Variants in RNF216 observed in about 807,000 individuals in gnomAD.
RNF216 encodes E3 ubiquitin-protein ligase RNF216.
Under a neutral mutation model 110.8 loss-of-function variants are expected in RNF216, and 72 were observed. That is an observed-to-expected ratio of 0.65 (90% confidence interval 0.54 to 0.79). The LOEUF (loss-of-function observed/expected upper bound fraction) is 0.79, where lower values mean the gene tolerates loss of function less well. Among genes scored for constraint, RNF216 ranks in the 30% least tolerant of loss-of-function variants. The probability of loss-of-function intolerance (pLI) is 0.00; values close to 1 mark genes in which losing one functional copy is unlikely to be tolerated. For missense variants in RNF216, 1,342 were observed against 1,141.2 expected (o/e 1.18, Z -2.54); for synonymous variants, 495 against 407.5 (o/e 1.21, Z -2.59).
chr7:5,649,107 C>T (rs758023783), intron 14 of RNF216, among the ~76,000 whole-genome samples: 43 of 152,248 alleles, frequency 2.8e-4, no homozygotes, highest in Middle Eastern at 3.4e-3. Context: ...GCCGGGCGGG[C>T]GCGGTGGCTC....
At chr7:5,755,178 A>T (rs1795560130) in intron 2 of RNF216, among the ~76,000 whole-genome samples, 1 of 145,656 alleles carries the variant, frequency 6.9e-6, no homozygotes, top group African/African-American at 2.5e-5. Context: ...GAAAGAGAGG[A>T]AAGGAAGAAG....
At chr7:5,759,938 G>C (rs1433119390) in intron 2 of RNF216, among the ~76,000 whole-genome samples, 1 of 151,912 alleles carries the variant, frequency 6.6e-6, no homozygotes, top group African/African-American at 2.4e-5. Context: ...GCCTGGGGGA[G>C]TCATTTTTGT....
chr7:5,633,167 C>T (rs1190480311), intron 15 of RNF216, among the ~76,000 whole-genome samples: 14 of 151,810 alleles, frequency 9.2e-5, no homozygotes, highest in East Asian at 4.0e-4. Context: ...TTAGTAGAGA[C>T]GGGGTTTCAC....
chr7:5,716,796 C>G, intron 9 of RNF216, 30 bp from the exon 10 acceptor site: 2 of 1,580,336 alleles, frequency 1.3e-6, no homozygotes, highest in Non-Finnish European at 1.7e-6. Context: ...CACATTCAGA[C>G]ACAAATTTAG....
chr7:5,761,152 A>G lies in RNF216; in HGVS notation c.-69-14T>C, dbSNP rs1418316914. On this transcript the variant is annotated splice_polypyrimidine_tract_variant and intron_variant, in intron 1 of 16. Coordinates refer to ENST00000389902, the MANE Select transcript of RNF216 (RefSeq NM_207111.4). ...GTTTCAAAAGAACTGAAAAGGAAGC[A>G]AAGAGTAACAGTAAGAATGAGGGAG... The G allele has an allele frequency of 3.9e-6, 3 of 762,348 alleles. No homozygotes were observed. The highest frequency in any genetic ancestry group is 6.5e-6 in the Non-Finnish European group (3 of 462,800). The allele number at this position is 762,348 out of a possible 1,614,324, so 47.2% of individuals were successfully genotyped here.
At chr7:5,753,074 C>A in intron 2 of RNF216, 95 bp from the exon 3 acceptor site, 1 of 1,280,588 alleles carries the variant, frequency 7.8e-7, no homozygotes, top group Non-Finnish European at 1.1e-6. Context: ...CTAAAGCCAA[C>A]TTCATGGCTA....
chr7:5,659,287 T>C (rs1488306822), intron 13 of RNF216, among the ~76,000 whole-genome samples: 1 of 152,208 alleles, frequency 6.6e-6, no homozygotes, highest in Non-Finnish European at 1.5e-5. Context: ...TCTATCTTCA[T>C]GACATTTACG....
intron 1 of RNF216, among the ~76,000 whole-genome samples, chr7:5,762,132 AAC>A (rs1195904905): frequency 1.3e-5 from 2 of 152,244 alleles, no homozygotes; most frequent in Non-Finnish European, 2.9e-5. Flanking sequence ...CATATGATAC[AAC>A]ACAGTTAAAT....
In RNF216 at chr7:5,622,926, G is replaced by A. The variant is rs200742026; in HGVS notation, c.2706C>T (p.Pro902=). The A allele has an allele frequency of 6.2e-7, 1 of 1,613,620 alleles. No individual in the cohort carries two copies. Among genetic ancestry groups the A allele is most frequent in the East Asian group, 2.2e-5 (1 of 44,872 alleles). The change falls in exon 17 of 17, where the codon CCC becomes CCT. Residue 902 remains proline, a synonymous_variant. Transcript: ENST00000389902. ...PNVRVNYDFG[P]IHMPLEHNLP... The stretch of plus-strand genomic sequence containing the variant: ...GGTTGTGCTCCAGGGGCATGTGGAT[G>A]GGACCGAAGTCATAGTTGACCCGCA...
At chr7:5,645,974 TG>T (rs1219739073) in intron 14 of RNF216, among the ~76,000 whole-genome samples, 1 of 152,238 alleles carries the variant, frequency 6.6e-6, no homozygotes, top group Non-Finnish European at 1.5e-5. Flanking sequence ...TGGTTTCACC[TG>T]GCTTTCTGAG....
At chr7:5,672,850 G>T (rs1168151306) in intron 13 of RNF216, among the ~76,000 whole-genome samples, 1 of 152,044 alleles carries the variant, frequency 6.6e-6, no homozygotes, top group African/African-American at 2.4e-5. Context: ...TAGGACACAG[G>T]GACACAGGCA....
At chr7:5,766,730 G>A (rs1246027369) in intron 1 of RNF216, among the ~76,000 whole-genome samples, 2 of 152,178 alleles carry the variant, frequency 1.3e-5, no homozygotes, top group African/African-American at 4.8e-5. Flanking sequence ...TAATACAGGT[G>A]GAATTACAGA....
chr7:5,734,107 C>A, intron 5 of RNF216, among the ~76,000 whole-genome samples: 1 of 152,052 alleles, frequency 6.6e-6, no homozygotes, highest in East Asian at 1.9e-4. Flanking sequence ...ACAAACATAG[C>A]CAATAGGAAG....
At chr7:5,742,553 T>C (rs1421830142) in intron 3 of RNF216, among the ~76,000 whole-genome samples, 1 of 147,374 alleles carries the variant, frequency 6.8e-6, no homozygotes, top group African/African-American at 2.5e-5. Flanking sequence ...TTAAATTAGA[T>C]AATACCAAGC....
chr7:5,764,573 G>A (rs146256702), intron 1 of RNF216, among the ~76,000 whole-genome samples: 6,019 of 152,048 alleles, frequency 0.04, 177 homozygotes, highest in South Asian at 0.065. Context: ...GCTTGAACCC[G>A]GGAGGCGGAG....
intron 13 of RNF216, 81 bp from the exon 14 acceptor site, chr7:5,652,591 A>G (rs1441373197): frequency 1.1e-5 from 10 of 894,898 alleles, no homozygotes; most frequent in Non-Finnish European, 1.7e-5. Flanking sequence ...AGGGATATGA[A>G]ATGAGCTTTA....
chr7:5,647,087 G>T (rs895480498), intron 14 of RNF216, among the ~76,000 whole-genome samples: 27 of 152,108 alleles, frequency 1.8e-4, no homozygotes, highest in Non-Finnish European at 1.3e-4. Context: ...CCACTGGGAG[G>T]CTGTTTCAGC....
chr7:5,641,498 C>A (rs569624998), intron 14 of RNF216, 122 bp from the exon 15 acceptor site: 105 of 789,368 alleles, frequency 1.3e-4, no homozygotes, highest in South Asian at 1.1e-3. Context: ...TGACATTAAA[C>A]AGTGAAAAGA....
At chr7:5,631,377 T>A (rs1438576650) in intron 15 of RNF216, among the ~76,000 whole-genome samples, 1 of 152,086 alleles carries the variant, frequency 6.6e-6, no homozygotes, top group Non-Finnish European at 1.5e-5. Context: ...CTCATAACCC[T>A]CATCTCTTGA....
Sources: allele counts gnomAD v4.1 joint callset (sites outside exome capture counted in the v4.1 genomes callset), GRCh38; gene constraint gnomAD v4.1.1; transcripts MANE v1.5; gene names NCBI Gene and HGNC (gene_info 2026-07-23, HGNC 2026-07-21).